The following YPEL5 variants were observed in gnomAD, a reference collection of about 807,000 sequenced individuals.
The protein encoded by YPEL5 is protein yippee-like 5.
Under a neutral mutation model 10.5 loss-of-function variants are expected in YPEL5, and 1 was observed. That is an observed-to-expected ratio of 0.10 (90% CI 0.03 to 0.45). The LOEUF is 0.45. YPEL5 is among the 20% of genes least tolerant of loss of function. The pLI is 0.97. For synonymous variants in YPEL5, 61 were observed against 56.6 expected, an observed-to-expected ratio of 1.08 and a Z score of -0.35; for missense variants, 68 against 159.3, an observed-to-expected ratio of 0.43 and a Z score of 3.09.
chr2:30,156,671 A>G lies in YPEL5; in HGVS notation c.20A>G (p.Asp7Gly). Reference protein sequence around the residue: MGRIFLDHIGGTRLFSC... With the variant: MGRIFLGHIGGTRLFSC... ...ATAAAAATGGGCAGAATTTTCCTTG[A>G]TCATATCGGTGGTACCCGTCTGTTT... is the stretch of plus-strand genomic sequence containing the variant. The change falls in exon 2 of 3, where the codon GAT becomes GGT. Residue 7 changes from aspartate to glycine, a missense_variant. Transcript: ENST00000261353. 1 of 1,614,082 alleles carries G rather than the reference A, an allele frequency of 6.2e-7. No homozygotes were observed. Among genetic ancestry groups the G allele is most frequent in the Admixed American group, 1.7e-5 (1 of 59,992 alleles).
In YPEL5 at chr2:30,158,926, C is replaced by G; in HGVS notation, c.*83C>G. The G allele has an allele frequency of 7.7e-7, 1 of 1,306,348 alleles. No individual in the cohort carries two copies. 80.9% of individuals were successfully genotyped at this position (1,306,348 alleles called of 1,614,324 possible). A position where few individuals can be genotyped will look rare whatever the true frequency, so the allele number is the denominator to read the frequency against. On this transcript the variant is annotated 3_prime_UTR_variant, in exon 3 of 3. Transcript: ENST00000261353. ...CTTACATACACTGTCACCTTAGCAT[C>G]AGAGTCGGATTAATGAACTGCGGAA... is the stretch of plus-strand genomic sequence containing the variant.
chr2:30,158,387 G>A (rs1676134639), intron 2 of YPEL5, among the ~76,000 whole-genome samples: 1 of 152,118 alleles, frequency 6.6e-6, no homozygotes, highest in Non-Finnish European at 1.5e-5. Context: ...GTGTGACTTA[G>A]GCTAGTACGG....
chr2:30,152,029 AGGGGCTAAT>A (rs1258693116), intron 1 of YPEL5, among the ~76,000 whole-genome samples: 1 of 152,178 alleles, frequency 6.6e-6, no homozygotes, highest in Non-Finnish European at 1.5e-5. Flanking sequence ...GGAATTTTTG[AGGGGCTAAT>A]GGAAGCATTC....
chr2:30,155,641 A>G (rs983546354), intron 1 of YPEL5, among the ~76,000 whole-genome samples: 4 of 152,258 alleles, frequency 2.6e-5, no homozygotes, highest in African/African-American at 9.6e-5. Context: ...ATAATTAGTT[A>G]TGATGGATTT....
intron 1 of YPEL5, among the ~76,000 whole-genome samples, chr2:30,153,045 T>C (rs1488348811): frequency 2.6e-5 from 4 of 151,984 alleles, no homozygotes; most frequent in Non-Finnish European, 5.9e-5. Flanking sequence ...GGACTACAGG[T>C]GCCCGCCACC....
Position 30,159,000 on chromosome 2 carries a change from T to TCTTTC in YPEL5, c.*157_*158insCTTTC, listed in dbSNP as rs568964102. 1 of 730,776 alleles carries TCTTTC rather than the reference T, an allele frequency of 1.4e-6. No homozygotes were observed. Among genetic ancestry groups the TCTTTC allele is most frequent in the African/African-American group, 1.8e-5 (1 of 56,188 alleles). The allele number at this position is 730,776 out of a possible 1,614,324, so 45.3% of individuals were successfully genotyped here. A position where few individuals can be genotyped will look rare whatever the true frequency, so the allele number is the denominator to read the frequency against. On this transcript the variant is annotated 3_prime_UTR_variant, in exon 3 of 3. Transcript: ENST00000261353. ...TGGAACCTTTCTTTCTTTCTTTCTT[T>TCTTTC]TTTTTTAAATTTTGTATTTTCCATC...
Position 30,160,416 on chromosome 2 carries a change from G to GCATTCATTTC in YPEL5, c.*1587_*1596dup, listed in dbSNP as rs1267839161. On this transcript the variant is annotated 3_prime_UTR_variant, in exon 3 of 3. Transcript: ENST00000261353. ...CCATGGACTCAATCTGAGAACAACAGCATTCATTTCCATTCATTTCCATAC... is the reference window on the plus strand; with the variant it reads ...CCATGGACTCAATCTGAGAACAACAGCATTCATTTCCATTCATTTCCATTCATTTCCATAC... The GCATTCATTTC allele has an allele frequency of 6.6e-6, 1 of 152,178 alleles. No homozygotes were observed. Among genetic ancestry groups the GCATTCATTTC allele is most frequent in the East Asian group, 1.9e-4 (1 of 5,192 alleles). The allele number at this position is 152,178 out of a possible 1,614,324, so 9.4% of individuals were successfully genotyped here. A position where few individuals can be genotyped will look rare whatever the true frequency, so the allele number is the denominator to read the frequency against.
intron 1 of YPEL5, among the ~76,000 whole-genome samples, chr2:30,151,011 C>T (rs563752896): frequency 6.6e-6 from 1 of 152,238 alleles, no homozygotes; most frequent in East Asian, 1.9e-4. Flanking sequence ...GTACAAAATT[C>T]ATTCTCAGCT....
rs759262481 is a variant in YPEL5 at position 30,159,889 on chromosome 2, G to A, written c.*1046G>A. The A allele has an allele frequency of 2.6e-5, 4 of 152,498 alleles. No homozygotes were observed. The highest frequency in any genetic ancestry group is 4.4e-5 in the Non-Finnish European group (3 of 68,024). The allele number at this position is 152,498 out of a possible 1,614,324, so 9.4% of individuals were successfully genotyped here. A position where few individuals can be genotyped will look rare whatever the true frequency, so the allele number is the denominator to read the frequency against. On this transcript the variant is annotated 3_prime_UTR_variant, in exon 3 of 3. Coordinates refer to ENST00000261353, the MANE Select transcript of YPEL5 (RefSeq NM_016061.3). ...GCATTGATTTTTTGACAAGTCTGTA[G>A]AGCCTAATAGTTTCCATCAAAGGCC...
rs200449455 is a variant in YPEL5, at chr2:30,158,707, A to G, written c.230A>G (p.Asn77Ser). The G allele has an allele frequency of 5.9e-5, 95 of 1,614,126 alleles. No individual in the cohort carries two copies. The highest frequency in any genetic ancestry group is 8.0e-5 in the African/African-American group (6 of 74,942). ...MVRDVSCKNC[N>S]SKLGWIYEFA... ...CGAGATGTGAGCTGCAAAAACTGCAATAGCAAACTGGGATGGATCTATGAG... is the reference window on the plus strand; with the variant it reads ...CGAGATGTGAGCTGCAAAAACTGCAGTAGCAAACTGGGATGGATCTATGAG... The change falls in exon 3 of 3, where the codon AAT (asparagine) becomes AGT (serine). Residue 77 changes from asparagine to serine, a missense_variant. Coordinates refer to ENST00000261353, the MANE Select transcript of YPEL5 (RefSeq NM_016061.3).
intron 2 of YPEL5, among the ~76,000 whole-genome samples, chr2:30,157,742 C>G (rs1676106076): frequency 6.6e-6 from 1 of 152,214 alleles, no homozygotes; most frequent in African/African-American, 2.4e-5. Flanking sequence ...AGATGAACTT[C>G]CCCAGTGGGC....
intron 1 of YPEL5, 114 bp from the exon 2 acceptor site, chr2:30,156,514 T>C: frequency 2.0e-6 from 2 of 1,004,024 alleles, no homozygotes; most frequent in Non-Finnish European, 3.0e-6. Context: ...CATCGAGTAC[T>C]ACAAAGCAGA....
At chr2:30,155,071 T>A (rs1675980278) in intron 1 of YPEL5, among the ~76,000 whole-genome samples, 1 of 152,292 alleles carries the variant, frequency 6.6e-6, no homozygotes, top group Non-Finnish European at 1.5e-5. Flanking sequence ...TGGAAAAAAA[T>A]AATGCGGTAA....
At chr2:30,149,651 G>A (rs1675687401) in intron 1 of YPEL5, among the ~76,000 whole-genome samples, 1 of 152,238 alleles carries the variant, frequency 6.6e-6, no homozygotes. Flanking sequence ...TAGGAAAGCT[G>A]GCTTCCACGG....
At chr2:30,152,870 C>T (rs1179048473) in intron 1 of YPEL5, among the ~76,000 whole-genome samples, 4 of 139,698 alleles carry the variant, frequency 2.9e-5, no homozygotes, top group African/African-American at 5.3e-5. Context: ...AGTATCTTAG[C>T]TTTTTAATGA....
At position 30,158,873 on chromosome 2, in the gene YPEL5, G is replaced by C; in HGVS notation, c.*30G>C. ...ACAGAGAGAAATCCATCTTTTCCCA[G>C]GTCTCCTTCACTGAAAACAAAAATC... is the stretch of plus-strand genomic sequence containing the variant. On this transcript the variant is annotated 3_prime_UTR_variant, in exon 3 of 3. Coordinates refer to ENST00000261353, the MANE Select transcript of YPEL5 (RefSeq NM_016061.3). 6.2e-7 allele frequency: 1 copy of C among 1,608,516 alleles called. No homozygotes were observed. The highest frequency in any genetic ancestry group is 8.5e-7 in the Non-Finnish European group (1 of 1,175,932).
At chr2:30,154,218 C>CT (rs1383496078) in intron 1 of YPEL5, among the ~76,000 whole-genome samples, 2 of 152,204 alleles carry the variant, frequency 1.3e-5, no homozygotes, top group East Asian at 3.8e-4. Context: ...AATCTGAGGC[C>CT]TATACCTCAA....
In YPEL5 at chr2:30,149,407, A is replaced by G. The variant is rs1191209217; in HGVS notation, c.-25+2345A>G. 2.0e-5 allele frequency among the ~76,000 whole-genome samples: 3 copies of G among 152,362 alleles called. No homozygotes were observed. In the East Asian group the frequency reaches 5.8e-4, roughly 29 times the overall value. ...GAGGAAAGCAGAGCTTGCTTGTGTCACTGAAAACTTAGCTTGTTATATATT... is the reference window on the plus strand; with the variant it reads ...GAGGAAAGCAGAGCTTGCTTGTGTCGCTGAAAACTTAGCTTGTTATATATT... On this transcript the variant is annotated intron_variant, in intron 1 of 2. Transcript: ENST00000261353.
intron 1 of YPEL5, among the ~76,000 whole-genome samples, 189 bp downstream of exon 1, chr2:30,147,251 G>A (rs1675456289): frequency 6.6e-6 from 1 of 151,944 alleles, no homozygotes; most frequent in Non-Finnish European, 1.5e-5. Flanking sequence ...GGGCCCCGGC[G>A]CTGGGACCGC....
Sources: allele counts gnomAD v4.1 joint callset (sites outside exome capture counted in the v4.1 genomes callset), GRCh38; gene constraint gnomAD v4.1.1; transcripts MANE v1.5; gene names NCBI Gene and HGNC (gene_info 2026-07-23, HGNC 2026-07-21).